Variants in SLC35F4 observed in about 807,000 individuals in gnomAD.
SLC35F4 encodes solute carrier family 35 member F4.
Under a neutral mutation model 44.2 loss-of-function variants are expected in SLC35F4, and 24 were observed. The ratio of observed to expected loss-of-function variants is 0.54; its 90% CI spans 0.39 to 0.76. SLC35F4 has a LOEUF of 0.76. SLC35F4 is among the 30% of genes least tolerant of loss of function. The probability of loss-of-function intolerance (pLI) is 0.00; values close to 1 mark genes in which losing one functional copy is unlikely to be tolerated. For missense variants in SLC35F4, 562 were observed against 586.1 expected, an observed-to-expected ratio of 0.96 and a Z score of 0.42; for synonymous variants, 238 against 223.6, an observed-to-expected ratio of 1.06 and a Z score of -0.57.
At chr14:57,683,529 A>G (rs1436331535) in intron 1 of SLC35F4, among the ~76,000 whole-genome samples, 1 of 152,060 alleles carries the variant, frequency 6.6e-6, no homozygotes, top group African/African-American at 2.4e-5. Flanking sequence ...CTACTTGTCT[A>G]AGGGCTGGGT....
chr14:57,863,257 C>T (rs897304913), intron 1 of SLC35F4, among the ~76,000 whole-genome samples: 3 of 152,178 alleles, frequency 2.0e-5, no homozygotes, highest in African/African-American at 7.2e-5. Context: ...TGCCCTATTG[C>T]CCATTAAAGT....
intron 1 of SLC35F4, among the ~76,000 whole-genome samples, chr14:57,620,083 T>G (rs1193720290): frequency 6.6e-6 from 1 of 152,096 alleles, no homozygotes; most frequent in Non-Finnish European, 1.5e-5. Context: ...ACCTGAAAGT[T>G]ACGGGGAGAA....
intron 1 of SLC35F4, among the ~76,000 whole-genome samples, chr14:57,851,674 A>C (rs967225042): frequency 1.3e-5 from 2 of 152,226 alleles, no homozygotes; most frequent in African/African-American, 4.8e-5. Flanking sequence ...CCTGAGAGAC[A>C]TGACAAGTAA....
chr14:57,722,721 A>G (rs1168486321), intron 1 of SLC35F4, among the ~76,000 whole-genome samples: 1 of 152,190 alleles, frequency 6.6e-6, no homozygotes, highest in African/African-American at 2.4e-5. Context: ...CTAATTAATC[A>G]CGGTGTTCCT....
At chr14:57,780,743 T>TAAAACATAAGACACATATA (rs2077598559) in intron 1 of SLC35F4, among the ~76,000 whole-genome samples, 1 of 151,636 alleles carries the variant, frequency 6.6e-6, no homozygotes, top group Non-Finnish European at 1.5e-5. Context: ...CAGACACATA[T>TAAAACATAAGACACATATA]AAAACATAAG....
At chr14:57,583,057 AAAGGAAGGATT>A (rs1310194159) in intron 3 of SLC35F4, among the ~76,000 whole-genome samples, 1 of 152,268 alleles carries the variant, frequency 6.6e-6, no homozygotes, top group Admixed American at 6.5e-5. Context: ...AGGCTTCCAA[AAAGGAAGGATT>A]TTTGTAAAAT....
chr14:57,645,030 A>T (rs1179594794), intron 1 of SLC35F4, among the ~76,000 whole-genome samples: 1 of 152,156 alleles, frequency 6.6e-6, no homozygotes, highest in African/African-American at 2.4e-5. Context: ...GTAGCCTTGT[A>T]GTATAGTTTA....
chr14:57,897,917 A>G (rs1008082382), intron 1 of SLC35F4, among the ~76,000 whole-genome samples: 4 of 152,218 alleles, frequency 2.6e-5, no homozygotes, highest in African/African-American at 9.6e-5. Flanking sequence ...TATTTATACC[A>G]ATATGAAAAA....
At chr14:57,863,413 G>A (rs1187479039) in intron 1 of SLC35F4, among the ~76,000 whole-genome samples, 52 of 152,288 alleles carry the variant, frequency 3.4e-4, no homozygotes, top group Admixed American at 3.2e-3. Context: ...GTAAGTCCCC[G>A]TCTATCTCCA....
At chr14:57,635,264 C>A (rs1207950414) in intron 1 of SLC35F4, among the ~76,000 whole-genome samples, 7 of 141,538 alleles carry the variant, frequency 4.9e-5, no homozygotes, top group Non-Finnish European at 7.7e-5. Flanking sequence ...AAAAAAAAAC[C>A]CCAAATATCT....
At chr14:57,930,749 C>A (rs965478493) in intron 1 of SLC35F4, among the ~76,000 whole-genome samples, 1 of 152,078 alleles carries the variant, frequency 6.6e-6, no homozygotes, top group Admixed American at 6.6e-5. Context: ...GAAACAAATT[C>A]CTGAGGATGG....
chr14:57,696,429 G>A (rs932337159), intron 1 of SLC35F4, among the ~76,000 whole-genome samples: 3 of 152,174 alleles, frequency 2.0e-5, no homozygotes, highest in Non-Finnish European at 2.9e-5. Context: ...AGATGCTGGC[G>A]AGGATGTGGA....
At chr14:57,832,671 T>A (rs1475249398) in intron 1 of SLC35F4, among the ~76,000 whole-genome samples, 1 of 152,210 alleles carries the variant, frequency 6.6e-6, no homozygotes, top group East Asian at 1.9e-4. Context: ...AAAGTCCTGA[T>A]CTTCCTAGCA....
At chr14:57,874,946 C>T (rs1332716136) in intron 1 of SLC35F4, among the ~76,000 whole-genome samples, 1 of 150,040 alleles carries the variant, frequency 6.7e-6, no homozygotes, top group Non-Finnish European at 1.5e-5. Context: ...AACTGTTACT[C>T]CTAATCTTTT....
chr14:57,607,557 C>T (rs2071236250), intron 1 of SLC35F4, among the ~76,000 whole-genome samples: 1 of 152,200 alleles, frequency 6.6e-6, no homozygotes, highest in Admixed American at 6.5e-5. Flanking sequence ...GCCTCTTCCT[C>T]ACTTACCTAA....
At chr14:57,962,863 T>C (rs1890363598) in intron 1 of SLC35F4, among the ~76,000 whole-genome samples, 1 of 152,224 alleles carries the variant, frequency 6.6e-6, no homozygotes. Context: ...GTTCATTCTT[T>C]TGTTCCTTAA....
chr14:57,921,362 T>A (rs1889439662), intron 1 of SLC35F4, among the ~76,000 whole-genome samples: 1 of 152,236 alleles, frequency 6.6e-6, no homozygotes, highest in Non-Finnish European at 1.5e-5. Flanking sequence ...AGAAAAGGGC[T>A]AAACCTGGGC....
At chr14:57,830,639 T>G (rs74615208) in intron 1 of SLC35F4, among the ~76,000 whole-genome samples, 1,611 of 152,320 alleles carry the variant, frequency 0.011, 15 homozygotes, top group Non-Finnish European at 0.014. Context: ...AATATGGTTC[T>G]GGATGGCTCT....
At chr14:57,958,307 C>T (rs1890278539) in intron 1 of SLC35F4, among the ~76,000 whole-genome samples, 1 of 152,192 alleles carries the variant, frequency 6.6e-6, no homozygotes, top group Non-Finnish European at 1.5e-5. Flanking sequence ...ATCTGCCCGC[C>T]TCAGCCTCCC....
Sources: gnomAD v4.1 joint callset for allele counts (sites outside exome capture counted in the v4.1 genomes callset) on GRCh38, gnomAD v4.1.1 for gene constraint, MANE v1.5 for transcripts, NCBI Gene and HGNC (gene_info 2026-07-23, HGNC 2026-07-21) for gene names.